Variants in ADAM22 observed in about 807,000 individuals in gnomAD.
ADAM22 encodes disintegrin and metalloproteinase domain-containing protein 22.
A neutral mutation model predicts 144.6 loss-of-function variants in ADAM22; 65 were observed. That is an observed-to-expected ratio of 0.45 (90% CI 0.37 to 0.55). The LOEUF (loss-of-function observed/expected upper bound fraction) is 0.55. Ranked by LOEUF, ADAM22 falls within the 20% of genes least tolerant of loss-of-function variation. ADAM22 has a pLI of 0.00. For missense variants in ADAM22, 974 were observed against 1,184.9 expected, an observed-to-expected ratio of 0.82 and a Z score of 2.61; for synonymous variants, 391 against 412.6, an observed-to-expected ratio of 0.95 and a Z score of 0.63.
intron 14 of ADAM22, among the ~76,000 whole-genome samples, chr7:88,138,302 T>A (rs1158492614): frequency 6.6e-6 from 1 of 152,240 alleles, no homozygotes; most frequent in Non-Finnish European, 1.5e-5. Context: ...CTACATAGTA[T>A]ATTTGATTAT....
At chr7:88,008,909 AAT>A (rs1794677852) in intron 3 of ADAM22, among the ~76,000 whole-genome samples, 1 of 118,238 alleles carries the variant, frequency 8.5e-6, no homozygotes, top group Admixed American at 9.3e-5. Flanking sequence ...TAATAATAAT[AAT>A]AAAAAGAAAA....
intron 3 of ADAM22, among the ~76,000 whole-genome samples, chr7:88,009,436 T>C (rs1159167778): frequency 1.3e-5 from 2 of 152,170 alleles, no homozygotes; most frequent in Non-Finnish European, 2.9e-5. Flanking sequence ...TCTGAATTAT[T>C]TTATTTTAGT....
At chr7:88,116,650 G>A (rs372658428) in intron 6 of ADAM22, 95 bp from the exon 7 acceptor site, 1 of 977,870 alleles carries the variant, frequency 1.0e-6, no homozygotes. Context: ...GCATAGGCAA[G>A]CTGTGGTTCT....
At chr7:88,180,349 A>T (rs1181022999) in intron 27 of ADAM22, among the ~76,000 whole-genome samples, 1 of 152,128 alleles carries the variant, frequency 6.6e-6, no homozygotes, top group African/African-American at 2.4e-5. Flanking sequence ...ATTAAACAAC[A>T]TGGTAAATTA....
chr7:88,031,668 T>C (rs1310791752), intron 3 of ADAM22, among the ~76,000 whole-genome samples: 1 of 152,192 alleles, frequency 6.6e-6, no homozygotes, highest in Non-Finnish European at 1.5e-5. Flanking sequence ...CTGGAACTTA[T>C]ATTTAAAAGG....
At chr7:88,093,773 A>C (rs879374566) in intron 4 of ADAM22, among the ~76,000 whole-genome samples, 22 of 152,140 alleles carry the variant, frequency 1.4e-4, no homozygotes, top group Non-Finnish European at 2.9e-4. Flanking sequence ...TCTCAAATTC[A>C]AGTGATCTAC....
At chr7:87,996,726 G>A (rs548495792) in intron 3 of ADAM22, among the ~76,000 whole-genome samples, 190 of 152,316 alleles carry the variant, frequency 1.2e-3, no homozygotes, top group Middle Eastern at 6.8e-3. Flanking sequence ...TTTGTTAGAT[G>A]GTATCTATCA....
intron 3 of ADAM22, among the ~76,000 whole-genome samples, 166 bp from the exon 4 acceptor site, chr7:88,075,460 G>A (rs1006929446): frequency 7.5e-6 from 1 of 132,974 alleles, no homozygotes; most frequent in Non-Finnish European, 1.6e-5. Flanking sequence ...GGGTGTGTGT[G>A]TGTCTGTGTG....
chr7:88,182,387 C>A (rs1847275317), intron 29 of ADAM22, among the ~76,000 whole-genome samples: 1 of 152,172 alleles, frequency 6.6e-6, no homozygotes, highest in African/African-American at 2.4e-5. Context: ...CCAATACTCA[C>A]ACAGCCTTGT....
At chr7:88,071,906 A>G (rs936949641) in intron 3 of ADAM22, among the ~76,000 whole-genome samples, 2 of 152,076 alleles carry the variant, frequency 1.3e-5, no homozygotes, top group African/African-American at 2.4e-5. Context: ...CCATTTTCCT[A>G]CACTTAAAAT....
At chr7:87,966,224 T>C (rs1849017308) in intron 2 of ADAM22, among the ~76,000 whole-genome samples, 1 of 152,216 alleles carries the variant, frequency 6.6e-6, no homozygotes, top group South Asian at 2.1e-4. Flanking sequence ...TTCCCAGGGC[T>C]GATTTGTCGG....
intron 3 of ADAM22, among the ~76,000 whole-genome samples, chr7:88,053,616 GAAA>G (rs1563114332): frequency 2.6e-5 from 3 of 113,426 alleles, no homozygotes; most frequent in Non-Finnish European, 6.2e-5. Context: ...AAGAAAGAAA[GAAA>G]GAAAGAAAGA....
intron 8 of ADAM22, 111 bp from the exon 9 acceptor site, chr7:88,128,491 A>G (rs897707360): frequency 1.8e-5 from 15 of 820,366 alleles, no homozygotes; most frequent in Non-Finnish European, 3.1e-5. Flanking sequence ...TTAAATGCTG[A>G]AGGAATAAAA....
At chr7:88,068,114 C>T (rs1811755802) in intron 3 of ADAM22, among the ~76,000 whole-genome samples, 1 of 151,976 alleles carries the variant, frequency 6.6e-6, no homozygotes, top group African/African-American at 2.4e-5. Flanking sequence ...GATATTTATT[C>T]ATTTTCTATA....
chr7:88,022,539 A>G (rs1459666646), intron 3 of ADAM22, among the ~76,000 whole-genome samples: 4 of 152,194 alleles, frequency 2.6e-5, no homozygotes, highest in Non-Finnish European at 5.9e-5. Context: ...AGGAAAGAGG[A>G]TTTGGGTTAA....
chr7:88,192,201 T>G lies in ADAM22; in HGVS notation c.2751-915T>G, dbSNP rs549383065. Reference sequence around the variant, plus strand: ...GCAGTGTAACCAGTTCAATGTGGGTTTTTACCACCTTGCACCATGGATTAA... The same window carrying G: ...GCAGTGTAACCAGTTCAATGTGGGTGTTTACCACCTTGCACCATGGATTAA... On this transcript the variant is annotated intron_variant, in intron 30 of 31. Transcript: ENST00000413139. Among the ~76,000 whole-genome samples, 178 of 152,310 alleles carry G rather than the reference T, an allele frequency of 1.2e-3. 2 individuals are homozygous for G. In the Middle Eastern group the frequency reaches 0.017, roughly 15 times the overall value.
At chr7:87,989,846 G>T (rs1208196713) in intron 3 of ADAM22, among the ~76,000 whole-genome samples, 2 of 152,044 alleles carry the variant, frequency 1.3e-5, no homozygotes, top group Non-Finnish European at 2.9e-5. Context: ...AACCTGGGAG[G>T]TGGAGTTTGC....
chr7:88,154,390 T>A (rs922617097), intron 21 of ADAM22, among the ~76,000 whole-genome samples: 1 of 152,164 alleles, frequency 6.6e-6, no homozygotes, highest in South Asian at 2.1e-4. Flanking sequence ...CCTACATTTA[T>A]GCTCTATAAT....
chr7:87,938,046 A>G (rs1204685874), intron 2 of ADAM22, among the ~76,000 whole-genome samples: 1 of 152,176 alleles, frequency 6.6e-6, no homozygotes, highest in African/African-American at 2.4e-5. Flanking sequence ...CTTTTCCTAC[A>G]GTTAGGAAAC....
Sources: allele counts gnomAD v4.1 joint callset (sites outside exome capture counted in the v4.1 genomes callset), GRCh38; gene constraint gnomAD v4.1.1; transcripts MANE v1.5; gene names NCBI Gene and HGNC (gene_info 2026-07-23, HGNC 2026-07-21).